The following TSTD2 variants were observed in gnomAD, a reference collection of about 807,000 sequenced individuals.
TSTD2 encodes the protein thiosulfate sulfurtransferase/rhodanese-like domain-containing protein 2.
In TSTD2, 37 loss-of-function variants were observed where a neutral mutation model predicts 47.9. That is an observed-to-expected ratio of 0.77 (90% CI 0.59 to 1.02). The LOEUF (loss-of-function observed/expected upper bound fraction) is 1.02, where lower values mean the gene tolerates loss of function less well. Ranked by LOEUF, TSTD2 falls within the 50% of genes least tolerant of loss-of-function variation. The pLI, the probability that TSTD2 is intolerant of heterozygous loss-of-function variation, is 0.00. For synonymous variants in TSTD2, 201 were observed against 215.9 expected (o/e 0.93, Z 0.61); for missense variants, 586 against 616.0 (o/e 0.95, Z 0.52).
intron 2 of TSTD2, among the ~76,000 whole-genome samples, chr9:97,626,577 T>A (rs188221097): frequency 6.6e-6 from 1 of 152,352 alleles, no homozygotes; most frequent in Admixed American, 6.5e-5. Flanking sequence ...ATGCTTATTG[T>A]AAAACAATCA....
chr9:97,613,767 T>C (rs73554631), intron 4 of TSTD2, among the ~76,000 whole-genome samples: 17,791 of 151,814 alleles, frequency 0.12, 2,976 homozygotes, highest in African/African-American at 0.36. Context: ...AAATTTTTAA[T>C]GGCTGTCCTT....
At chr9:97,605,987 G>A (rs1183113712) in intron 7 of TSTD2, among the ~76,000 whole-genome samples, 156 bp downstream of exon 7, 1 of 152,214 alleles carries the variant, frequency 6.6e-6, no homozygotes, top group Non-Finnish European at 1.5e-5. Flanking sequence ...AGATTTCTGA[G>A]TTTTAGGACT....
chr9:97,621,242 C>A (rs895005207), intron 3 of TSTD2, among the ~76,000 whole-genome samples: 1 of 152,206 alleles, frequency 6.6e-6, no homozygotes, highest in Non-Finnish European at 1.5e-5. Context: ...CCAATCAATA[C>A]TCTCATAATT....
In TSTD2 at chr9:97,602,077, C is replaced by T; in HGVS notation, c.*392G>A. On this transcript the variant is annotated 3_prime_UTR_variant, in exon 10 of 10. Coordinates refer to ENST00000341170, the MANE Select transcript of TSTD2 (RefSeq NM_139246.5). ...GACCTAAGTGGCTTGTTTTAGGAGG[C>T]CACTCCCAGGGCCACAGCTTTCATG... 1 of 171,462 alleles carries T rather than the reference C, an allele frequency of 5.8e-6. No homozygotes were observed. The highest frequency in any genetic ancestry group is 1.2e-5 in the Non-Finnish European group (1 of 81,526). 10.6% of individuals were successfully genotyped at this position (171,462 alleles called of 1,614,324 possible).
rs146921282 is a variant in TSTD2 at position 97,627,414 on chromosome 9, G to C, written c.149C>G (p.Ser50Trp). 10 of 1,599,222 alleles carry C rather than the reference G, an allele frequency of 6.3e-6. 1 individual carries two copies. In the Admixed American group the frequency reaches 1.5e-4, roughly 25 times the overall value. ...ELDGSTKKKY[S>W]FAKKKAFALF... ...GAATTCTACCTTTTTCTTTGCAAAC[G>C]AGTATTTCTTTTTTGTACTGCCATC... The change falls in exon 2 of 10, where the codon TCG (serine) becomes TGG (tryptophan). Residue 50 changes from serine to tryptophan, a missense_variant. By Grantham distance (177) the Ser-to-Trp change is radical. Transcript: ENST00000341170.
At chr9:97,604,908 G>A (rs1301473510) in intron 8 of TSTD2, 43 bp from the exon 9 acceptor site, 37 of 1,607,532 alleles carry the variant, frequency 2.3e-5, no homozygotes, top group Non-Finnish European at 2.9e-5. Flanking sequence ...AGCCAGCAGA[G>A]ACCTGTTAAG....
At chr9:97,604,995 CCTGG>C in intron 8 of TSTD2, 130 bp from the exon 9 acceptor site, 5 of 1,452,954 alleles carry the variant, frequency 3.4e-6, no homozygotes, top group Non-Finnish European at 4.5e-6. Flanking sequence ...GTCAGGGGCT[CCTGG>C]CTCCCACTGC....
chr9:97,600,697 C>T lies in TSTD2; in HGVS notation c.*1772G>A, dbSNP rs1377344654. On this transcript the variant is annotated 3_prime_UTR_variant, in exon 10 of 10. Transcript: ENST00000341170. ...ACCTTACGCCTGTATATTAAGCCTCCGCAGGATGCCGGACAATGGTGAAGA... is the reference window on the plus strand; with the variant it reads ...ACCTTACGCCTGTATATTAAGCCTCTGCAGGATGCCGGACAATGGTGAAGA... 6.0e-6 allele frequency: 6 copies of T among 1,002,752 alleles called. No individual in the cohort carries two copies. The highest frequency in any genetic ancestry group is 1.1e-4 in the East Asian group (1 of 9,176). The allele number at this position is 1,002,752 out of a possible 1,614,324, so 62.1% of individuals were successfully genotyped here.
intron 2 of TSTD2, 87 bp downstream of exon 2, chr9:97,627,311 G>A (rs1826738253): frequency 6.7e-7 from 1 of 1,492,822 alleles, no homozygotes; most frequent in South Asian, 1.4e-5. Flanking sequence ...TTTACCTTGA[G>A]CTGGAGAGCA....
Position 97,606,133 on chromosome 9 carries a change from T to C in TSTD2, c.954+10A>G. On this transcript the variant is annotated intron_variant, in intron 7 of 9. Coordinates refer to ENST00000341170, the MANE Select transcript of TSTD2 (RefSeq NM_139246.5). ...CCAATTCAGAGAACTCAGTTCTGGCTTTTACTTACTATTTTGCTTTCATAG... is the reference window on the plus strand; with the variant it reads ...CCAATTCAGAGAACTCAGTTCTGGCCTTTACTTACTATTTTGCTTTCATAG... 1.3e-6 allele frequency: 2 copies of C among 1,560,372 alleles called. No homozygotes were observed. Among genetic ancestry groups the C allele is most frequent in the Non-Finnish European group, 1.8e-6 (2 of 1,132,688 alleles).
intron 6 of TSTD2, among the ~76,000 whole-genome samples, chr9:97,609,878 A>G (rs183192650): frequency 1.3e-5 from 2 of 151,872 alleles, no homozygotes; most frequent in East Asian, 3.9e-4. Flanking sequence ...TTTTCATAGT[A>G]AAAACTACAA....
chr9:97,606,226 C>T lies in TSTD2; in HGVS notation c.871G>A (p.Val291Ile). 2 of 1,610,598 alleles carry T rather than the reference C, an allele frequency of 1.2e-6. No individual in the cohort carries two copies. The highest frequency in any genetic ancestry group is 1.7e-6 in the Non-Finnish European group (2 of 1,178,430). Residue 291 changes from valine to isoleucine, a missense_variant, in exon 7 of 10, where the codon GTA (valine) becomes ATA (isoleucine). Coordinates refer to ENST00000341170, the MANE Select transcript of TSTD2 (RefSeq NM_139246.5). ...TTTGCCTGAGATAAAAACTTTTCTA[C>T]TTCTTTATGAAATTCACCTGGGGAT... ...HLSPGEFHKE[V>I]EKFLSQANQE...
chr9:97,607,645 A>G (rs2773345), intron 6 of TSTD2, among the ~76,000 whole-genome samples: 132,687 of 152,310 alleles, frequency 0.87, 57,958 homozygotes, highest in Middle Eastern at 0.91. Flanking sequence ...GCTCACACCT[A>G]TAATCCTAAT....
chr9:97,616,982 C>T (rs1826553005), intron 4 of TSTD2, among the ~76,000 whole-genome samples: 1 of 152,214 alleles, frequency 6.6e-6, no homozygotes, highest in Non-Finnish European at 1.5e-5. Flanking sequence ...CAAATATCTA[C>T]TGAGGGTCTA....
intron 1 of TSTD2, among the ~76,000 whole-genome samples, chr9:97,631,128 C>CT (rs200888837): frequency 6.6e-5 from 10 of 152,072 alleles, no homozygotes; most frequent in East Asian, 1.9e-4. Flanking sequence ...TCAGAAAATA[C>CT]TTTTTTTTGA....
At chr9:97,603,422 C>T (rs188143039) in intron 9 of TSTD2, among the ~76,000 whole-genome samples, 25 of 152,170 alleles carry the variant, frequency 1.6e-4, no homozygotes, top group South Asian at 8.3e-4. Flanking sequence ...AGGTACCCAT[C>T]GAGTCCAGCC....
At chr9:97,620,741 C>T (rs1826621473) in intron 3 of TSTD2, among the ~76,000 whole-genome samples, 1 of 152,018 alleles carries the variant, frequency 6.6e-6, no homozygotes, top group Non-Finnish European at 1.5e-5. Flanking sequence ...TTGCCCCTGC[C>T]CTAAAGATTT....
rs1450648092 is a variant in TSTD2, at chr9:97,601,201, G to A, written c.*1268C>T. On this transcript the variant is annotated 3_prime_UTR_variant, in exon 10 of 10. Coordinates refer to ENST00000341170, the MANE Select transcript of TSTD2 (RefSeq NM_139246.5). Reference sequence around the variant, plus strand: ...TTCTCCTTAAAACACAATTGCAGCTGCATTCTGCATCGCTGAAAACTGCAA... The same window carrying A: ...TTCTCCTTAAAACACAATTGCAGCTACATTCTGCATCGCTGAAAACTGCAA... The A allele has an allele frequency of 1.5e-6, 2 of 1,292,600 alleles. No individual in the cohort carries two copies. Among genetic ancestry groups the A allele is most frequent in the East Asian group, 5.6e-5 (1 of 17,758 alleles). The allele number at this position is 1,292,600 out of a possible 1,614,324, so 80.1% of individuals were successfully genotyped here. A position where few individuals can be genotyped will look rare whatever the true frequency, so the allele number is the denominator to read the frequency against.
At chr9:97,622,867 C>T (rs1342784329) in intron 3 of TSTD2, among the ~76,000 whole-genome samples, 1 of 152,194 alleles carries the variant, frequency 6.6e-6, no homozygotes, top group Non-Finnish European at 1.5e-5. Flanking sequence ...TGCCTATGCC[C>T]CCATTGTATC....
Sources: allele counts gnomAD v4.1 joint callset (sites outside exome capture counted in the v4.1 genomes callset), GRCh38; gene constraint gnomAD v4.1.1; transcripts MANE v1.5; gene names NCBI Gene and HGNC (gene_info 2026-07-23, HGNC 2026-07-21).